Variants in CDH13 observed in about 807,000 individuals in gnomAD.
CDH13 encodes the protein cadherin-13.
CDH13 carries 24 observed loss-of-function variants against 63.8 expected under a neutral mutation model. The observed-to-expected ratio is 0.38, with a 90% CI of 0.27 to 0.53. The LOEUF (loss-of-function observed/expected upper bound fraction) is 0.53. Among genes scored for constraint, CDH13 ranks in the 20% least tolerant of loss-of-function variants. CDH13 has a pLI of 0.85. For missense variants in CDH13, 1,049 were observed against 903.1 expected (o/e 1.16, Z -2.07); for synonymous variants, 503 against 355.3 (o/e 1.42, Z -4.67).
chr16:82,704,412 C>T (rs1364654023), intron 1 of CDH13, among the ~76,000 whole-genome samples: 1 of 152,176 alleles, frequency 6.6e-6, no homozygotes, highest in Non-Finnish European at 1.5e-5. Flanking sequence ...GGTGGATGTT[C>T]TTCATTTATT....
chr16:83,169,470 G>A (rs919117187), intron 4 of CDH13, among the ~76,000 whole-genome samples: 5 of 152,068 alleles, frequency 3.3e-5, no homozygotes, highest in East Asian at 3.9e-4. Context: ...CACCACACCC[G>A]GCCAAGCTTT....
chr16:82,833,434 C>A (rs145869809), intron 1 of CDH13, among the ~76,000 whole-genome samples: 2 of 152,198 alleles, frequency 1.3e-5, no homozygotes, highest in Non-Finnish European at 2.9e-5. Flanking sequence ...TGCTTGACTT[C>A]ACAGTCTAAA....
At chr16:82,804,122 G>A (rs1211810494) in intron 1 of CDH13, among the ~76,000 whole-genome samples, 1 of 138,154 alleles carries the variant, frequency 7.2e-6, no homozygotes, top group East Asian at 2.0e-4. Context: ...CAGCTACTCA[G>A]GAGGCTGAGG....
At chr16:83,316,577 C>T (rs570684083) in intron 5 of CDH13, among the ~76,000 whole-genome samples, 2 of 152,186 alleles carry the variant, frequency 1.3e-5, no homozygotes, top group Admixed American at 6.5e-5. Context: ...CTAGGGAGCA[C>T]AGTAGTGAGT....
In CDH13 at chr16:82,643,033, G is replaced by A. The variant is rs150474335; in HGVS notation, c.45+15896G>A. Among the ~76,000 whole-genome samples the A allele has an allele frequency of 2.6e-5, 4 of 152,324 alleles. No homozygotes were observed. The East Asian group carries it at 7.7e-4, about 29-fold the overall frequency. ...TCCAGAGACAGAAAGCAGATTAGAA[G>A]ATGTCTAGGGCTGGGGGCAGGAGGA... On this transcript the variant is annotated intron_variant, in intron 1 of 13. Coordinates refer to ENST00000567109, the MANE Select transcript of CDH13 (RefSeq NM_001257.5).
chr16:83,712,358 A>T (rs1908193532), intron 10 of CDH13, among the ~76,000 whole-genome samples: 1 of 152,200 alleles, frequency 6.6e-6, no homozygotes, highest in African/African-American at 2.4e-5. Flanking sequence ...CTGGTTTGGG[A>T]CAGGCCTGCT....
intron 6 of CDH13, among the ~76,000 whole-genome samples, chr16:83,424,682 T>C (rs1436671006): frequency 1.3e-5 from 2 of 152,248 alleles, no homozygotes; most frequent in Non-Finnish European, 2.9e-5. Flanking sequence ...GAAAAAGTAA[T>C]CTTTAGTCCT....
rs1248409585 is a variant in CDH13, at chr16:83,796,825, G to A, written c.*1795G>A. The A allele has an allele frequency of 6.6e-6, 1 of 152,112 alleles. No homozygotes were observed. Among genetic ancestry groups the A allele is most frequent in the African/African-American group, 2.4e-5 (1 of 41,416 alleles). The allele number at this position is 152,112 out of a possible 1,614,324, so 9.4% of individuals were successfully genotyped here. Reference sequence around the variant, plus strand: ...TGAGGGTGTCATAATCAGCTATAAAGGTAATTGCATACTCAAAGATGAGAC... The same window carrying A: ...TGAGGGTGTCATAATCAGCTATAAAAGTAATTGCATACTCAAAGATGAGAC... On this transcript the variant is annotated 3_prime_UTR_variant, in exon 14 of 14. Transcript: ENST00000567109.
intron 6 of CDH13, among the ~76,000 whole-genome samples, chr16:83,391,640 C>T (rs1252826222): frequency 1.3e-5 from 2 of 152,150 alleles, no homozygotes; most frequent in Non-Finnish European, 2.9e-5. Context: ...GAAGTGGTCC[C>T]GCCAGAGTAT....
At chr16:82,793,410 C>G (rs559494858) in intron 1 of CDH13, among the ~76,000 whole-genome samples, 130 of 151,912 alleles carry the variant, frequency 8.6e-4, no homozygotes, top group Non-Finnish European at 1.0e-3. Context: ...CCCCTCCTGT[C>G]CAAATGAAAA....
At chr16:82,645,307 C>T (rs1597206714) in intron 1 of CDH13, among the ~76,000 whole-genome samples, 1 of 152,186 alleles carries the variant, frequency 6.6e-6, no homozygotes, top group Admixed American at 6.5e-5. Flanking sequence ...TTTTCAACTC[C>T]ATCCAGAATA....
chr16:83,144,937 G>C (rs766703006), intron 4 of CDH13, among the ~76,000 whole-genome samples: 2 of 152,204 alleles, frequency 1.3e-5, no homozygotes, highest in Non-Finnish European at 2.9e-5. Context: ...GAGCCCTCTG[G>C]AGAACAGCAA....
chr16:83,386,639 A>T (rs1363345040), intron 6 of CDH13, among the ~76,000 whole-genome samples: 4 of 152,326 alleles, frequency 2.6e-5, no homozygotes, highest in South Asian at 2.1e-4. Flanking sequence ...TGGTCACTTC[A>T]TTTAAGGTAA....
chr16:83,795,107 A>G lies in CDH13; in HGVS notation c.*77A>G, dbSNP rs1904275433. 1 of 1,346,484 alleles carries G rather than the reference A, an allele frequency of 7.4e-7. No individual in the cohort carries two copies. Among genetic ancestry groups the G allele is most frequent in the Non-Finnish European group, 1.0e-6 (1 of 975,758 alleles). The allele number at this position is 1,346,484 out of a possible 1,614,324, so 83.4% of individuals were successfully genotyped here. ...AAAAAAAATCTATCCAAATCTGAAG[A>G]TTGCGGTTTACAGCTATCGAACTTC... is the stretch of plus-strand genomic sequence containing the variant. On this transcript the variant is annotated 3_prime_UTR_variant, in exon 14 of 14. Transcript: ENST00000567109.
intron 1 of CDH13, among the ~76,000 whole-genome samples, chr16:82,663,699 T>C (rs12444015): frequency 0.24 from 36,628 of 152,158 alleles, 4,612 homozygotes; most frequent in South Asian, 0.32. Flanking sequence ...CGTATGCTTT[T>C]TTCCTGTTGA....
intron 4 of CDH13, among the ~76,000 whole-genome samples, chr16:83,192,044 C>T (rs1405950775): frequency 1.3e-5 from 2 of 152,084 alleles, no homozygotes; most frequent in Non-Finnish European, 1.5e-5. Flanking sequence ...CCTGAAGGAC[C>T]AAGCCCACCA....
intron 4 of CDH13, among the ~76,000 whole-genome samples, chr16:83,191,678 G>A (rs1393164735): frequency 1.3e-5 from 2 of 151,510 alleles, no homozygotes; most frequent in African/African-American, 4.9e-5. Flanking sequence ...TTCCAAAGCT[G>A]AAGAACTTGG....
chr16:83,059,898 A>G lies in CDH13; in HGVS notation c.366+27680A>G, dbSNP rs571614829. Reference sequence around the variant, plus strand: ...CAAACTCCACCTCCTGGTTCTCGCCATTCTCCTGCCTCAGCCTCCCGAGTA... The same window carrying G: ...CAAACTCCACCTCCTGGTTCTCGCCGTTCTCCTGCCTCAGCCTCCCGAGTA... On this transcript the variant is annotated intron_variant, in intron 3 of 13. Coordinates refer to ENST00000567109, the MANE Select transcript of CDH13 (RefSeq NM_001257.5). 3.7e-4 allele frequency among the ~76,000 whole-genome samples: 54 copies of G among 144,434 alleles called. 2 individuals are homozygous for G. In the East Asian group the frequency reaches 0.011, roughly 30 times the overall value. The allele number at this position is 144,434 out of a possible 152,430, so 94.8% of individuals were successfully genotyped here.
chr16:83,649,597 C>T (rs1466152147), intron 8 of CDH13, among the ~76,000 whole-genome samples: 4 of 151,982 alleles, frequency 2.6e-5, no homozygotes, highest in African/African-American at 9.7e-5. Context: ...GAGTACATAG[C>T]CGGTGGGAGC....
Sources: allele counts gnomAD v4.1 joint callset (sites outside exome capture counted in the v4.1 genomes callset), GRCh38; gene constraint gnomAD v4.1.1; transcripts MANE v1.5; gene names NCBI Gene and HGNC (gene_info 2026-07-23, HGNC 2026-07-21).